The following UBE2H variants were observed in gnomAD, a reference collection of about 807,000 sequenced individuals.
UBE2H encodes ubiquitin conjugating enzyme E2 H.
Under a neutral mutation model 29.0 loss-of-function variants are expected in UBE2H, and 3 were observed. The ratio of observed to expected loss-of-function variants is 0.10; its 90% confidence interval spans 0.05 to 0.27. The LOEUF (loss-of-function observed/expected upper bound fraction) is 0.27, where lower values mean the gene tolerates loss of function less well. Ranked by LOEUF, UBE2H falls within the 10% of genes least tolerant of loss-of-function variation. The pLI is 1.00. For synonymous variants in UBE2H, 69 were observed against 82.9 expected (o/e 0.83, Z 0.91); for missense variants, 68 against 228.2 (o/e 0.30, Z 4.52).
chr7:129,840,623 G>C (rs1805411796), intron 5 of UBE2H, among the ~76,000 whole-genome samples: 1 of 152,110 alleles, frequency 6.6e-6, no homozygotes, highest in African/African-American at 2.4e-5. Flanking sequence ...GCTCAGATAT[G>C]CTGTAACTTC....
intron 1 of UBE2H, among the ~76,000 whole-genome samples, chr7:129,944,121 CCACG>C (rs1807704722): frequency 1.7e-5 from 2 of 115,744 alleles, no homozygotes; most frequent in Non-Finnish European, 4.2e-5. Flanking sequence ...CTTTGGGAGG[CCACG>C]GTGGGCAGAT....
Position 129,935,145 on chromosome 7 carries a change from C to T in UBE2H, c.53+17358G>A, listed in dbSNP as rs150765865. Among the ~76,000 whole-genome samples, 551 of 151,348 alleles carry T rather than the reference C, an allele frequency of 3.6e-3. 11 individuals carry two copies. Among genetic ancestry groups the T allele is most frequent in the South Asian group, 0.034 (163 of 4,802 alleles). On this transcript the variant is annotated intron_variant, in intron 1 of 6. Transcript: ENST00000355621. ...ATAACTTTTAAAAATAAATTTAAGGCTGGGCATGGTGGCTCACATCTGTAA... is the reference window on the plus strand; with the variant it reads ...ATAACTTTTAAAAATAAATTTAAGGTTGGGCATGGTGGCTCACATCTGTAA...
chr7:129,913,646 A>G (rs2693744), intron 1 of UBE2H, among the ~76,000 whole-genome samples: 1 of 152,082 alleles, frequency 6.6e-6, no homozygotes, highest in Non-Finnish European at 1.5e-5. Context: ...TCAGAAGGGT[A>G]AAGAGCCTTT....
At chr7:129,908,792 C>T (rs77340117) in intron 1 of UBE2H, among the ~76,000 whole-genome samples, 9,692 of 152,260 alleles carry the variant, frequency 0.064, 371 homozygotes, top group Non-Finnish European at 0.092. Flanking sequence ...CCAACAAAGA[C>T]TGCCTGCTCC....
chr7:129,938,543 G>A (rs928172193), intron 1 of UBE2H, among the ~76,000 whole-genome samples: 30 of 146,216 alleles, frequency 2.1e-4, no homozygotes, highest in African/African-American at 6.8e-4. Flanking sequence ...GGAGAAACCC[G>A]TCTCTACTAA....
At chr7:129,836,566 G>A (rs898659011) in intron 6 of UBE2H, among the ~76,000 whole-genome samples, 14 of 152,286 alleles carry the variant, frequency 9.2e-5, no homozygotes, top group Non-Finnish European at 1.9e-4. Flanking sequence ...AAGTGGCTGG[G>A]ATGTTTAAAC....
At chr7:129,857,690 G>T in intron 4 of UBE2H, 127 bp from the exon 5 acceptor site, 1 of 1,006,412 alleles carries the variant, frequency 9.9e-7, no homozygotes, top group East Asian at 2.6e-5. Context: ...AATCCCAATT[G>T]GGGAAAAGTA....
chr7:129,879,981 AAAC>A (rs1226159165), intron 2 of UBE2H, among the ~76,000 whole-genome samples: 3 of 152,118 alleles, frequency 2.0e-5, no homozygotes, highest in African/African-American at 7.2e-5. Context: ...GCCAAAAAGA[AAAC>A]AACAAAAAAC....
chr7:129,934,830 G>A (rs1292584489), intron 1 of UBE2H, among the ~76,000 whole-genome samples: 2 of 151,372 alleles, frequency 1.3e-5, no homozygotes, highest in Non-Finnish European at 2.9e-5. Flanking sequence ...ACTTTGGGAG[G>A]CCAAGGTAGC....
At chr7:129,916,132 CT>C (rs572427224) in intron 1 of UBE2H, among the ~76,000 whole-genome samples, 1 of 152,138 alleles carries the variant, frequency 6.6e-6, no homozygotes, top group East Asian at 1.9e-4. Context: ...ATGACTTCAG[CT>C]TTTTTTATAT....
intron 1 of UBE2H, among the ~76,000 whole-genome samples, chr7:129,921,210 G>A (rs1807154850): frequency 6.6e-6 from 1 of 151,734 alleles, no homozygotes; most frequent in Admixed American, 6.6e-5. Context: ...TACTCTTGAG[G>A]GTCCAATTGT....
intron 3 of UBE2H, among the ~76,000 whole-genome samples, chr7:129,863,208 G>A (rs964838368): frequency 6.6e-6 from 1 of 152,130 alleles, no homozygotes; most frequent in African/African-American, 2.4e-5. Flanking sequence ...GAACCAAAAA[G>A]GACTTGGTAA....
intron 5 of UBE2H, among the ~76,000 whole-genome samples, chr7:129,847,025 A>AT (rs199776547): frequency 0.071 from 10,461 of 148,268 alleles, 693 homozygotes; most frequent in African/African-American, 0.16. Context: ...TATTATTATT[A>AT]TTATTATTTT....
chr7:129,865,169 G>C, intron 3 of UBE2H: 1 of 343,418 alleles, frequency 2.9e-6, no homozygotes, highest in South Asian at 2.4e-5. Context: ...GCTTTTGCTT[G>C]TTCCACTCCA....
At chr7:129,946,567 C>A (rs1483108540) in intron 1 of UBE2H, among the ~76,000 whole-genome samples, 1 of 152,136 alleles carries the variant, frequency 6.6e-6, no homozygotes, top group African/African-American at 2.4e-5. Flanking sequence ...ACTTCTTAGA[C>A]CCCACCCTAG....
At chr7:129,907,339 A>C (rs1186565009) in intron 1 of UBE2H, among the ~76,000 whole-genome samples, 1 of 152,176 alleles carries the variant, frequency 6.6e-6, no homozygotes, top group East Asian at 1.9e-4. Flanking sequence ...TCGTGTAAGA[A>C]AATGGGGCTT....
intron 1 of UBE2H, among the ~76,000 whole-genome samples, chr7:129,891,390 G>A (rs1806485201): frequency 6.6e-6 from 1 of 152,012 alleles, no homozygotes; most frequent in South Asian, 2.1e-4. Flanking sequence ...CAAAGGGGGA[G>A]GGGATGCAGG....
At chr7:129,923,844 C>T (rs949956931) in intron 1 of UBE2H, among the ~76,000 whole-genome samples, 1 of 152,156 alleles carries the variant, frequency 6.6e-6, no homozygotes, top group Non-Finnish European at 1.5e-5. Context: ...CTGTAAGTTT[C>T]CATCAAGTGA....
Position 129,855,229 on chromosome 7 carries a change from C to G in UBE2H, c.298+2282G>C, listed in dbSNP as rs1229595967. 2.0e-5 allele frequency among the ~76,000 whole-genome samples: 3 copies of G among 152,100 alleles called. No homozygotes were observed. In the East Asian group the frequency reaches 5.8e-4, roughly 29 times the overall value. ...CTGTTCTGAGACATGAAGTACTTGA[C>G]AGTCAGCAAACATCTTTCACAAAGC... On this transcript the variant is annotated intron_variant, in intron 5 of 6. Coordinates refer to ENST00000355621, the MANE Select transcript of UBE2H (RefSeq NM_003344.4).
Sources: allele counts gnomAD v4.1 joint callset (sites outside exome capture counted in the v4.1 genomes callset), GRCh38; gene constraint gnomAD v4.1.1; transcripts MANE v1.5; gene names NCBI Gene and HGNC (gene_info 2026-07-23, HGNC 2026-07-21).